NKAIN2: variants seen among roughly 807,000 people sequenced by gnomAD.
The protein encoded by NKAIN2 is sodium/potassium-transporting ATPase subunit beta-1-interacting protein 2.
In NKAIN2, 14 loss-of-function variants were observed where a neutral mutation model predicts 32.6. That is an observed-to-expected ratio of 0.43 (90% CI 0.28 to 0.67). The LOEUF is 0.67. NKAIN2 is among the 30% of genes least tolerant of loss of function. The probability of loss-of-function intolerance (pLI) is 0.17; values close to 1 mark genes in which losing one functional copy is unlikely to be tolerated. For missense variants in NKAIN2, 198 were observed against 258.3 expected, an observed-to-expected ratio of 0.77 and a Z score of 1.60; for synonymous variants, 80 against 87.2, an observed-to-expected ratio of 0.92 and a Z score of 0.46.
At chr6:124,017,274 C>T (rs1780619101) in intron 1 of NKAIN2, among the ~76,000 whole-genome samples, 1 of 151,948 alleles carries the variant, frequency 6.6e-6, no homozygotes, top group Non-Finnish European at 1.5e-5. Context: ...CCATAGGGTC[C>T]CTCCCACGAC....
At chr6:124,788,904 CAG>C (rs1242288226) in intron 4 of NKAIN2, among the ~76,000 whole-genome samples, 1 of 151,986 alleles carries the variant, frequency 6.6e-6, no homozygotes, top group Non-Finnish European at 1.5e-5. Context: ...TGGAAGATAG[CAG>C]AGTTTATGAA....
intron 3 of NKAIN2, among the ~76,000 whole-genome samples, chr6:124,430,853 G>A (rs556833637): frequency 1.3e-5 from 2 of 152,190 alleles, no homozygotes; most frequent in East Asian, 3.9e-4. Context: ...CTAACACAGA[G>A]CAACACGTGC....
chr6:124,028,868 C>CATATAT (rs1169500240), intron 1 of NKAIN2, among the ~76,000 whole-genome samples: 8 of 34,976 alleles, frequency 2.3e-4, no homozygotes, highest in Non-Finnish European at 5.6e-4. Flanking sequence ...TATATATACA[C>CATATAT]ATATATGTAT....
At chr6:124,597,057 A>G (rs771113440) in intron 3 of NKAIN2, among the ~76,000 whole-genome samples, 16 of 152,100 alleles carry the variant, frequency 1.1e-4, no homozygotes, top group Non-Finnish European at 2.2e-4. Context: ...GATGAGGTCC[A>G]CTCACATTGG....
chr6:123,901,767 G>A (rs1040565173), intron 1 of NKAIN2, among the ~76,000 whole-genome samples: 1 of 152,030 alleles, frequency 6.6e-6, no homozygotes, highest in African/African-American at 2.4e-5. Context: ...ATGAACAACA[G>A]ACTGTTATTG....
chr6:124,450,723 CTG>C (rs1162095495), intron 3 of NKAIN2, among the ~76,000 whole-genome samples: 4 of 151,946 alleles, frequency 2.6e-5, no homozygotes, highest in Non-Finnish European at 5.9e-5. Context: ...TATAAATTAA[CTG>C]TTCATATTTG....
chr6:124,496,269 G>T (rs1778060491), intron 3 of NKAIN2, among the ~76,000 whole-genome samples: 1 of 152,064 alleles, frequency 6.6e-6, no homozygotes. Flanking sequence ...ATTCCCAAGT[G>T]CTTTCACATC....
chr6:124,428,991 T>C (rs1775095785), intron 3 of NKAIN2, among the ~76,000 whole-genome samples: 3 of 152,168 alleles, frequency 2.0e-5, no homozygotes, highest in Admixed American at 1.3e-4. Flanking sequence ...TTTCTGAATA[T>C]GAATGTTGAT....
rs1363361556 is a variant in NKAIN2 at position 124,690,512 on chromosome 6, T to C, written c.474+32126T>C. Among the ~76,000 whole-genome samples the C allele has an allele frequency of 2.0e-5, 3 of 152,312 alleles. No individual in the cohort carries two copies. In the East Asian group the frequency reaches 5.8e-4, roughly 29 times the overall value. On this transcript the variant is annotated intron_variant, in intron 4 of 6. Transcript: ENST00000368417. ...TTGAAAGGGGACATATTTATATTCC[T>C]GGTCTTAGGAATTTTCTAGTTTCTC...
chr6:124,315,126 T>C (rs962084580), intron 2 of NKAIN2, among the ~76,000 whole-genome samples: 2 of 152,132 alleles, frequency 1.3e-5, no homozygotes, highest in African/African-American at 2.4e-5. Context: ...CTAGAACTTA[T>C]ATTCCAGGAA....
At chr6:124,492,495 T>C (rs1256742200) in intron 3 of NKAIN2, among the ~76,000 whole-genome samples, 1 of 151,916 alleles carries the variant, frequency 6.6e-6, no homozygotes, top group Non-Finnish European at 1.5e-5. Context: ...ATAAAATAGT[T>C]GTTACAGTGA....
rs750148337 is a variant in NKAIN2 at position 123,804,187 on chromosome 6, G to T, written c.-14G>T. 8 of 1,613,250 alleles carry T rather than the reference G, an allele frequency of 5.0e-6. No homozygotes were observed. The African/African-American group carries it at 9.3e-5, about 19-fold the overall frequency. On this transcript the variant is annotated 5_prime_UTR_variant, in exon 1 of 7. Coordinates refer to ENST00000368417, the MANE Select transcript of NKAIN2 (RefSeq NM_001040214.3). ...ACGTGGGACAGTCTGGCTGTGGCAG[G>T]GGTCTCGGAAACCATGGGTTATTGC...
intron 1 of NKAIN2, among the ~76,000 whole-genome samples, chr6:123,967,613 G>A (rs1017282233): frequency 6.6e-6 from 1 of 152,084 alleles, no homozygotes; most frequent in African/African-American, 2.4e-5. Context: ...CTGAAGGTTG[G>A]TGTAGAGCAC....
intron 4 of NKAIN2, among the ~76,000 whole-genome samples, chr6:124,692,745 G>A (rs530672709): frequency 2.3e-4 from 35 of 151,578 alleles, no homozygotes; most frequent in African/African-American, 8.2e-4. Context: ...GAACCTGGGA[G>A]GCGGAGGTTG....
intron 3 of NKAIN2, among the ~76,000 whole-genome samples, chr6:124,538,889 G>A (rs1406569237): frequency 6.6e-6 from 1 of 151,946 alleles, no homozygotes; most frequent in African/African-American, 2.4e-5. Context: ...AATTGCATAT[G>A]TTCATAGTCA....
At chr6:124,792,979 C>T (rs1779810938) in intron 5 of NKAIN2, among the ~76,000 whole-genome samples, 1 of 151,844 alleles carries the variant, frequency 6.6e-6, no homozygotes, top group Non-Finnish European at 1.5e-5. Flanking sequence ...ACATTAGCAT[C>T]ATTATAAAGA....
chr6:123,897,951 C>T (rs1774363085), intron 1 of NKAIN2, among the ~76,000 whole-genome samples: 1 of 152,170 alleles, frequency 6.6e-6, no homozygotes, highest in African/African-American at 2.4e-5. Flanking sequence ...GTTTGCATGT[C>T]CCATTGAGGC....
chr6:124,758,497 T>C (rs1035401853), intron 4 of NKAIN2, among the ~76,000 whole-genome samples: 2 of 152,144 alleles, frequency 1.3e-5, no homozygotes, highest in African/African-American at 4.8e-5. Flanking sequence ...GAGAAATAAG[T>C]GTCTGTTGCT....
intron 2 of NKAIN2, among the ~76,000 whole-genome samples, chr6:124,298,190 A>G (rs1796142151): frequency 6.6e-6 from 1 of 152,066 alleles, no homozygotes; most frequent in Non-Finnish European, 1.5e-5. Flanking sequence ...AATTACTGAA[A>G]TATTTTTCTG....
Sources: gnomAD v4.1 joint callset for allele counts (sites outside exome capture counted in the v4.1 genomes callset) on GRCh38, gnomAD v4.1.1 for gene constraint, MANE v1.5 for transcripts, NCBI Gene and HGNC (gene_info 2026-07-23, HGNC 2026-07-21) for gene names.